The following PCDHGB2 variants were observed in gnomAD, a reference collection of about 807,000 sequenced individuals.
PCDHGB2 encodes the protein protocadherin gamma subfamily B, 2, also known as protocadherin gamma-B2.
In PCDHGB2, 55 loss-of-function variants were observed where a neutral mutation model predicts 59.3. The observed-to-expected ratio is 0.93, with a 90% CI of 0.75 to 1.16. The LOEUF (loss-of-function observed/expected upper bound fraction) is 1.16. Among genes scored for constraint, PCDHGB2 ranks in the 50% most tolerant of loss-of-function variants. PCDHGB2 has a pLI of 0.00. For synonymous variants in PCDHGB2, 516 were observed against 512.0 expected, an observed-to-expected ratio of 1.01 and a Z score of -0.11; for missense variants, 1,228 against 1,198.5, an observed-to-expected ratio of 1.02 and a Z score of -0.36.
intron 1 of PCDHGB2, chr5:141,383,493 G>T: frequency 1.2e-6 from 2 of 1,613,270 alleles, no homozygotes; most frequent in Non-Finnish European, 1.7e-6. Context: ...TGCTGGAGCG[G>T]GTGCTGGACC....
chr5:141,402,704 T>C (rs1237933133), intron 1 of PCDHGB2, among the ~76,000 whole-genome samples: 1 of 152,216 alleles, frequency 6.6e-6, no homozygotes, highest in East Asian at 1.9e-4. Flanking sequence ...TCAGTGGGTG[T>C]AGTAACGGCT....
At chr5:141,399,795 G>C in intron 1 of PCDHGB2, 2 of 1,613,204 alleles carry the variant, frequency 1.2e-6, no homozygotes, top group Non-Finnish European at 1.7e-6. Context: ...ACAACGCACC[G>C]CGGGTGCTGT....
chr5:141,364,685 G>A (rs1451666874), intron 1 of PCDHGB2: 1 of 1,613,978 alleles, frequency 6.2e-7, no homozygotes, highest in South Asian at 1.1e-5. Flanking sequence ...AATTTATGGA[G>A]TAGAAGTAGA....
At chr5:141,413,572 A>C in intron 1 of PCDHGB2, 2 of 1,613,890 alleles carry the variant, frequency 1.2e-6, no homozygotes, top group Non-Finnish European at 1.7e-6. Context: ...TATCAATGAC[A>C]ATGCTCCAAA....
At chr5:141,363,097 G>A (rs182933962) in intron 1 of PCDHGB2, among the ~76,000 whole-genome samples, 161 of 152,360 alleles carry the variant, frequency 1.1e-3, no homozygotes, top group Admixed American at 1.8e-3. Context: ...CTAAAGGACA[G>A]GCAATGTTTG....
chr5:141,440,780 C>T (rs748247053), intron 1 of PCDHGB2: 1 of 152,158 alleles, frequency 6.6e-6, no homozygotes, highest in African/African-American at 2.4e-5. Flanking sequence ...GTGCTAGCAG[C>T]CTTAGACGGC....
At chr5:141,458,359 A>C (rs2098943826) in intron 1 of PCDHGB2, among the ~76,000 whole-genome samples, 1 of 152,142 alleles carries the variant, frequency 6.6e-6, no homozygotes, top group Non-Finnish European at 1.5e-5. Context: ...AATAAGCAAG[A>C]AGGAAGGGAG....
rs769652961 is a variant in PCDHGB2, at chr5:141,489,435, A to G, written c.2422-5372A>G. ...CAGATCTGTTGAGCCGGCGGCTGCAATTGGGCTCTGAGGAGAATGGGCGCT... is the reference window on the plus strand; with the variant it reads ...CAGATCTGTTGAGCCGGCGGCTGCAGTTGGGCTCTGAGGAGAATGGGCGCT... On this transcript the variant is annotated intron_variant, in intron 1 of 3. Coordinates refer to ENST00000522605, the MANE Select transcript of PCDHGB2 (RefSeq NM_018923.3). This position sits in a 1 kb window ranked among gnomAD's most constrained non-coding sequence, Gnocchi z 4.5. 2 of 1,614,138 alleles carry G rather than the reference A, an allele frequency of 1.2e-6. No homozygotes were observed. The highest frequency in any genetic ancestry group is 1.7e-6 in the Non-Finnish European group (2 of 1,180,024).
intron 1 of PCDHGB2, among the ~76,000 whole-genome samples, chr5:141,455,419 G>T (rs1462099602): frequency 6.6e-6 from 1 of 152,124 alleles, no homozygotes; most frequent in Non-Finnish European, 1.5e-5. Flanking sequence ...AGGGAGCGGG[G>T]CTCCAAAAGA....
In PCDHGB2 at chr5:141,385,180, G is replaced by A. The variant is rs200338637; in HGVS notation, c.2421+22624G>A. On this transcript the variant is annotated intron_variant, in intron 1 of 3. Coordinates refer to ENST00000522605, the MANE Select transcript of PCDHGB2 (RefSeq NM_018923.3). ...CTATTCCCATGAGGTCTCCCTCACC[G>A]CGGACTCTCGGAAGAGTCACCTGAT... The A allele has an allele frequency of 2.4e-4, 390 of 1,614,178 alleles. 1 individual carries two copies. The highest frequency in any genetic ancestry group is 3.1e-4 in the Non-Finnish European group (365 of 1,180,034).
At chr5:141,414,646 A>G in intron 1 of PCDHGB2, 2 of 1,613,928 alleles carry the variant, frequency 1.2e-6, no homozygotes, top group Non-Finnish European at 1.7e-6. Context: ...GAATGCCCAG[A>G]TTATTTACTC....
rs771341809 is a variant in PCDHGB2 at position 141,404,607 on chromosome 5, T to C, written c.2421+42051T>C. 5 of 1,613,938 alleles carry C rather than the reference T, an allele frequency of 3.1e-6. No homozygotes were observed. The African/African-American group carries it at 6.7e-5, about 22-fold the overall frequency. ...AGCAATGTGTCATTGAGACTGTTTG[T>C]TTTGGACCAGAATGACAATGCCCCA... On this transcript the variant is annotated intron_variant, in intron 1 of 3. Coordinates refer to ENST00000522605, the MANE Select transcript of PCDHGB2 (RefSeq NM_018923.3).
intron 1 of PCDHGB2, among the ~76,000 whole-genome samples, chr5:141,368,063 A>G (rs1765467925): frequency 6.6e-6 from 1 of 152,184 alleles, no homozygotes; most frequent in Non-Finnish European, 1.5e-5. Flanking sequence ...GAACTACTAT[A>G]TTTCCCTTCT....
intron 2 of PCDHGB2, among the ~76,000 whole-genome samples, chr5:141,498,191 A>G (rs2099782212): frequency 6.6e-6 from 1 of 152,270 alleles, no homozygotes; most frequent in African/African-American, 2.4e-5. Flanking sequence ...CAAATTAACC[A>G]GCTAAAGAAA....
chr5:141,425,057 C>T (rs926732426), intron 1 of PCDHGB2, among the ~76,000 whole-genome samples: 4 of 152,026 alleles, frequency 2.6e-5, no homozygotes, highest in African/African-American at 4.8e-5. Flanking sequence ...ATCTAGGGCT[C>T]GGACAAAAAT....
rs771124496 is a variant in PCDHGB2, at chr5:141,489,457, C to A, written c.2422-5350C>A. The A allele has an allele frequency of 6.2e-7, 1 of 1,613,882 alleles. No homozygotes were observed. The highest frequency in any genetic ancestry group is 8.5e-7 in the Non-Finnish European group (1 of 1,179,984). ...GCAATTGGGCTCTGAGGAGAATGGG[C>A]GCTATTTTTCCCTGAGCTTGATGAG... On this transcript the variant is annotated intron_variant, in intron 1 of 3. Coordinates refer to ENST00000522605, the MANE Select transcript of PCDHGB2 (RefSeq NM_018923.3). This position sits in a 1 kb window ranked among gnomAD's most constrained non-coding sequence, Gnocchi z 4.5.
chr5:141,431,965 T>C lies in PCDHGB2; in HGVS notation c.2422-62842T>C, dbSNP rs765281339. The C allele has an allele frequency of 4.0e-5, 64 of 1,614,098 alleles. No homozygotes were observed. In the East Asian group the frequency reaches 4.9e-4, roughly 12 times the overall value. On this transcript the variant is annotated intron_variant, in intron 1 of 3. Transcript: ENST00000522605. This position sits in a 1 kb window ranked among gnomAD's most constrained non-coding sequence, Gnocchi z 4.8. Reference sequence around the variant, plus strand: ...TAGAAAAATCTTACGGAAATTACTATAGTTTAGTCACAGACATAGTCTTGG... The same window carrying C: ...TAGAAAAATCTTACGGAAATTACTACAGTTTAGTCACAGACATAGTCTTGG...
chr5:141,379,773 T>C (rs575153200), intron 1 of PCDHGB2: 2 of 152,144 alleles, frequency 1.3e-5, no homozygotes, highest in South Asian at 2.1e-4. Flanking sequence ...ATACAGATCA[T>C]TAATAATAAG....
At chr5:141,510,404 G>T (rs1596286932) in intron 3 of PCDHGB2, among the ~76,000 whole-genome samples, 2 of 152,252 alleles carry the variant, frequency 1.3e-5, no homozygotes, top group East Asian at 3.9e-4. Context: ...AAAGGCTAGG[G>T]GCATGTAAAG....
Sources: allele counts gnomAD v4.1 joint callset (sites outside exome capture counted in the v4.1 genomes callset), GRCh38; gene constraint gnomAD v4.1.1; non-coding constraint Gnocchi (gnomAD v3.1); transcripts MANE v1.5; gene names NCBI Gene and HGNC (gene_info 2026-07-23, HGNC 2026-07-21).